The following EPHB1 variants were observed in gnomAD, a reference collection of about 807,000 sequenced individuals.
EPHB1 encodes the protein ephrin type-B receptor 1.
A neutral mutation model predicts 94.4 loss-of-function variants in EPHB1; 30 were observed. That is an observed-to-expected ratio of 0.32 (90% CI 0.24 to 0.43). The LOEUF (loss-of-function observed/expected upper bound fraction) is 0.43, where lower values mean the gene tolerates loss of function less well. Among genes scored for constraint, EPHB1 ranks in the 20% least tolerant of loss-of-function variants. The pLI, the probability that EPHB1 is intolerant of heterozygous loss-of-function variation, is 1.00. For synonymous variants in EPHB1, 522 were observed against 489.1 expected (o/e 1.07, Z -0.89); for missense variants, 1,055 against 1,308.3 (o/e 0.81, Z 2.99).
At chr3:134,813,164 G>T (rs35843718) in intron 1 of EPHB1, among the ~76,000 whole-genome samples, 17,530 of 152,158 alleles carry the variant, frequency 0.12, 2,442 homozygotes, top group African/African-American at 0.33. Flanking sequence ...CCAAACAGGG[G>T]CCAGGACCTC....
intron 11 of EPHB1, among the ~76,000 whole-genome samples, chr3:135,198,469 T>C (rs1942678437): frequency 6.6e-6 from 1 of 152,176 alleles, no homozygotes; most frequent in African/African-American, 2.4e-5. Context: ...TGAGCCAAAG[T>C]TTAGGCCTGC....
At chr3:134,998,952 A>G (rs1441262809) in intron 3 of EPHB1, among the ~76,000 whole-genome samples, 2 of 152,314 alleles carry the variant, frequency 1.3e-5, no homozygotes, top group East Asian at 3.9e-4. Flanking sequence ...GAAGGGAAAC[A>G]AAGAAGTCAC....
At chr3:135,054,466 G>A (rs1277456145) in intron 3 of EPHB1, among the ~76,000 whole-genome samples, 7 of 152,156 alleles carry the variant, frequency 4.6e-5, no homozygotes, top group African/African-American at 1.7e-4. Flanking sequence ...AAGGGGCGCT[G>A]TATGCTGAAC....
intron 3 of EPHB1, among the ~76,000 whole-genome samples, chr3:135,019,055 A>C (rs1417748123): frequency 6.6e-6 from 1 of 152,108 alleles, no homozygotes; most frequent in Non-Finnish European, 1.5e-5. Flanking sequence ...GTTTCCTACC[A>C]GGGCCTCAGC....
rs16842647 is a variant in EPHB1, at chr3:135,132,874, C to A, written c.1122C>A (p.Asp374Glu). ...ACCGCCGGAGCTGCTCCCGCTGTGA[C>A]GACAATGTGGAGTTTGTGCCCAGGC... is the stretch of plus-strand genomic sequence containing the variant. Reference protein sequence around the residue: ...RADRRSCSRCDDNVEFVPRQL... With the variant: ...RADRRSCSRCEDNVEFVPRQL... The change falls in exon 5 of 16, where the codon GAC becomes GAA. Residue 374 changes from aspartate to glutamate, a missense_variant. Coordinates refer to ENST00000398015, the MANE Select transcript of EPHB1 (RefSeq NM_004441.5). 19 of 1,614,030 alleles carry A rather than the reference C, an allele frequency of 1.2e-5. No homozygotes were observed. The African/African-American group carries it at 1.7e-4, about 15-fold the overall frequency.
intron 12 of EPHB1, among the ~76,000 whole-genome samples, chr3:135,213,472 A>G (rs1943076219): frequency 6.6e-6 from 1 of 152,190 alleles, no homozygotes; most frequent in Non-Finnish European, 1.5e-5. Flanking sequence ...CTAGTTCTTG[A>G]TGTTTGACCT....
intron 3 of EPHB1, among the ~76,000 whole-genome samples, chr3:135,073,104 A>C (rs1937781705): frequency 6.9e-6 from 1 of 145,390 alleles, no homozygotes; most frequent in Non-Finnish European, 1.5e-5. Flanking sequence ...TTATAGTACC[A>C]GATTTTATAT....
chr3:135,086,078 G>A (rs554321227), intron 3 of EPHB1, among the ~76,000 whole-genome samples: 2 of 152,212 alleles, frequency 1.3e-5, no homozygotes, highest in African/African-American at 4.8e-5. Flanking sequence ...TTCCACAGAA[G>A]GGCCTCTTTG....
intron 5 of EPHB1, among the ~76,000 whole-genome samples, chr3:135,150,622 G>A (rs1462896224): frequency 2.0e-5 from 3 of 152,122 alleles, no homozygotes; most frequent in South Asian, 4.1e-4. Context: ...GTTTCTAGGC[G>A]ATCACACTCT....
chr3:135,084,415 T>C (rs1256669576), intron 3 of EPHB1, among the ~76,000 whole-genome samples: 1 of 152,148 alleles, frequency 6.6e-6, no homozygotes, highest in African/African-American at 2.4e-5. Context: ...AAGAAGTCTT[T>C]GAGGTCAGGG....
At chr3:134,910,795 C>T (rs940786651) in intron 1 of EPHB1, among the ~76,000 whole-genome samples, 3 of 152,172 alleles carry the variant, frequency 2.0e-5, no homozygotes, top group Non-Finnish European at 4.4e-5. Flanking sequence ...AAGAGTGTGC[C>T]GTACTCTCAT....
At chr3:135,122,134 A>T (rs879723562) in intron 4 of EPHB1, among the ~76,000 whole-genome samples, 18 of 152,170 alleles carry the variant, frequency 1.2e-4, no homozygotes, top group Non-Finnish European at 2.1e-4. Context: ...CTCAGGGTAG[A>T]CATCGGTGAA....
chr3:135,006,057 G>T (rs958141579), intron 3 of EPHB1, among the ~76,000 whole-genome samples: 20 of 152,204 alleles, frequency 1.3e-4, no homozygotes, highest in African/African-American at 4.8e-4. Context: ...TTTTGAAGAA[G>T]GTCCTTGCTT....
At chr3:134,999,999 G>A (rs1288704871) in intron 3 of EPHB1, among the ~76,000 whole-genome samples, 1 of 152,198 alleles carries the variant, frequency 6.6e-6, no homozygotes, top group East Asian at 1.9e-4. Flanking sequence ...CTGTGGAGAT[G>A]CTCCTTGTCC....
At chr3:135,082,630 G>A (rs1938203229) in intron 3 of EPHB1, among the ~76,000 whole-genome samples, 1 of 152,212 alleles carries the variant, frequency 6.6e-6, no homozygotes, top group South Asian at 2.1e-4. Flanking sequence ...TGGAATGTGA[G>A]CTAAGCTGTA....
At position 135,259,230 on chromosome 3, in the gene EPHB1, A is replaced by C; in HGVS notation, c.*110A>C. 1.3e-6 allele frequency: 1 copy of C among 791,088 alleles called. No individual in the cohort carries two copies. Among genetic ancestry groups the C allele is most frequent in the Non-Finnish European group, 2.0e-6 (1 of 494,410 alleles). 49.0% of individuals were successfully genotyped at this position (791,088 alleles called of 1,614,324 possible). A position where few individuals can be genotyped will look rare whatever the true frequency, so the allele number is the denominator to read the frequency against. ...GAGAGACTGGCTTCTCAGCTGAGGA[A>C]TGCATTTCCATCAGTGAAGAATCAA... On this transcript the variant is annotated 3_prime_UTR_variant, in exon 16 of 16. Coordinates refer to ENST00000398015, the MANE Select transcript of EPHB1 (RefSeq NM_004441.5).
chr3:135,235,918 A>G (rs1028380733), intron 12 of EPHB1, among the ~76,000 whole-genome samples: 5 of 152,158 alleles, frequency 3.3e-5, no homozygotes, highest in Admixed American at 1.3e-4. Context: ...TTTGATATAA[A>G]GTGTTGGAGC....
Position 134,861,921 on chromosome 3 carries a change from A to G in EPHB1, c.59-63895A>G, listed in dbSNP as rs559631342. ...AAAAAAGAGAATAGCTTATGTGTTAAATGGCCCTCAAGCTTCTCCCACAGC... is the reference window on the plus strand; with the variant it reads ...AAAAAAGAGAATAGCTTATGTGTTAGATGGCCCTCAAGCTTCTCCCACAGC... On this transcript the variant is annotated intron_variant, in intron 1 of 15. Transcript: ENST00000398015. Among the ~76,000 whole-genome samples the G allele has an allele frequency of 3.3e-4, 51 of 152,292 alleles. No individual in the cohort carries two copies. The South Asian group carries it at 7.3e-3, about 22-fold the overall frequency.
chr3:134,862,882 C>T (rs2037297240), intron 1 of EPHB1, among the ~76,000 whole-genome samples: 1 of 152,254 alleles, frequency 6.6e-6, no homozygotes. Context: ...ACGTCACACA[C>T]AGGGCTTTTT....
Sources: gnomAD v4.1 joint callset for allele counts (sites outside exome capture counted in the v4.1 genomes callset) on GRCh38, gnomAD v4.1.1 for gene constraint, MANE v1.5 for transcripts, NCBI Gene and HGNC (gene_info 2026-07-23, HGNC 2026-07-21) for gene names.